The following MGLL variants were observed in gnomAD, a reference collection of about 807,000 sequenced individuals.
MGLL encodes the protein monoglyceride lipase, also known as lysophospholipase homolog.
Under a neutral mutation model 29.1 loss-of-function variants are expected in MGLL, and 7 were observed. The ratio of observed to expected loss-of-function variants is 0.24; its 90% confidence interval spans 0.14 to 0.45. The LOEUF (loss-of-function observed/expected upper bound fraction) is 0.45. Among genes scored for constraint, MGLL ranks in the 20% least tolerant of loss-of-function variants. The probability of loss-of-function intolerance (pLI) is 0.99; values close to 1 mark genes in which losing one functional copy is unlikely to be tolerated. For missense variants in MGLL, 356 were observed against 413.6 expected (o/e 0.86, Z 1.21); for synonymous variants, 148 against 168.3 (o/e 0.88, Z 0.93).
Position 127,721,145 on chromosome 3 carries a change from G to A in MGLL, c.418C>T (p.Leu140Phe). The A allele has an allele frequency of 6.2e-7, 1 of 1,614,224 alleles. No homozygotes were observed. The highest frequency in any genetic ancestry group is 1.1e-5 in the South Asian group (1 of 91,086). Residue 140 changes from leucine to phenylalanine, a missense_variant, in exon 5 of 8, where the codon CTC (leucine) becomes TTC (phenylalanine). Coordinates refer to ENST00000265052, the MANE Select transcript of MGLL (RefSeq NM_007283.7). ...TGGCCCGGCCTCTCTGCGGCCGTGA[G>A]GATGGCGATGGCGCCTCCCTGTAAT... ...GHSMGGAIAI[L>F]TAAERPGHFA...
intron 6 of MGLL, 83 bp from the exon 7 acceptor site, chr3:127,695,273 T>C: frequency 7.1e-7 from 1 of 1,404,816 alleles, no homozygotes; most frequent in Non-Finnish European, 9.9e-7. Flanking sequence ...AGCTTTTCCT[T>C]CTGCTCTGGC....
At chr3:127,729,365 A>G (rs533971403) in intron 3 of MGLL, among the ~76,000 whole-genome samples, 16 of 152,326 alleles carry the variant, frequency 1.1e-4, no homozygotes, top group African/African-American at 3.6e-4. Context: ...TTGTGCAACC[A>G]TCACCATCAT....
intron 3 of MGLL, among the ~76,000 whole-genome samples, chr3:127,745,933 G>A (rs920719924): frequency 3.3e-5 from 5 of 152,178 alleles, no homozygotes; most frequent in Admixed American, 3.3e-4. Context: ...CAAGACTGGC[G>A]CTGGAACTTT....
At chr3:127,735,822 C>T in intron 3 of MGLL, 1 of 1,598,330 alleles carries the variant, frequency 6.3e-7, no homozygotes, top group Middle Eastern at 1.7e-4. Context: ...GTGCTCGCAT[C>T]CTTCCAGGGG....
chr3:127,724,651 G>T (rs2075997396), intron 3 of MGLL, among the ~76,000 whole-genome samples: 1 of 152,108 alleles, frequency 6.6e-6, no homozygotes, highest in African/African-American at 2.4e-5. Context: ...TTTCCATGTG[G>T]AACATCTCTC....
At chr3:127,795,543 T>G (rs1044863854) in intron 2 of MGLL, among the ~76,000 whole-genome samples, 1 of 152,114 alleles carries the variant, frequency 6.6e-6, no homozygotes, top group African/African-American at 2.4e-5. Flanking sequence ...CCTCTGAATC[T>G]AAATAAAAGT....
At chr3:127,781,935 A>C (rs2077133797) in intron 2 of MGLL, 40 bp from the exon 3 acceptor site, 1 of 1,597,224 alleles carries the variant, frequency 6.3e-7, no homozygotes, top group Non-Finnish European at 8.6e-7. Context: ...GAAAGCCCAC[A>C]CGGGGCTGGG....
intron 5 of MGLL, chr3:127,714,021 TG>T (rs1352818112): frequency 6.6e-6 from 1 of 151,710 alleles, no homozygotes; most frequent in African/African-American, 2.4e-5. Flanking sequence ...CCAGCAAGCC[TG>T]ATTTTCTTCC....
chr3:127,767,726 G>C (rs780005806), intron 3 of MGLL, among the ~76,000 whole-genome samples: 2 of 152,222 alleles, frequency 1.3e-5, no homozygotes, highest in Non-Finnish European at 2.9e-5. Context: ...GTCTCAGAAT[G>C]ATGCTTTTGA....
At chr3:127,734,066 T>C (rs2076200454) in intron 3 of MGLL, among the ~76,000 whole-genome samples, 1 of 152,240 alleles carries the variant, frequency 6.6e-6, no homozygotes, top group Non-Finnish European at 1.5e-5. Flanking sequence ...CTGGAGCCTT[T>C]CCTGTGGTGG....
At chr3:127,699,130 C>G (rs782436) in intron 6 of MGLL, among the ~76,000 whole-genome samples, 85,273 of 152,174 alleles carry the variant, frequency 0.56, 27,045 homozygotes, top group African/African-American at 0.88. Flanking sequence ...GACCCCAAAG[C>G]CTCCTCTTGG....
In MGLL at chr3:127,727,704, T is replaced by TAAAA. The variant is rs1177079179; in HGVS notation, c.263-5142_263-5139dup. On this transcript the variant is annotated intron_variant, in intron 3 of 7. Coordinates refer to ENST00000265052, the MANE Select transcript of MGLL (RefSeq NM_007283.7). ...TCCAGCCTGGGCAACAGAGCAAGGC[T>TAAAA]AAAAAAAAAAAAAAAAAAAAAAAAA... Among the ~76,000 whole-genome samples, 69 of 80,698 alleles carry TAAAA rather than the reference T, an allele frequency of 8.6e-4. 1 individual carries two copies. Among genetic ancestry groups the TAAAA allele is most frequent in the African/African-American group, 1.6e-3 (34 of 20,886 alleles). The allele number at this position is 80,698 out of a possible 152,430, so 52.9% of individuals were successfully genotyped here. A position where few individuals can be genotyped will look rare whatever the true frequency, so the allele number is the denominator to read the frequency against.
chr3:127,778,830 C>A (rs752862362), intron 3 of MGLL, among the ~76,000 whole-genome samples: 5 of 144,846 alleles, frequency 3.5e-5, no homozygotes, highest in Non-Finnish European at 6.2e-5. Context: ...TGGCTTACTG[C>A]AGCCTTGAAC....
At chr3:127,701,345 C>T (rs2075481933) in intron 6 of MGLL, among the ~76,000 whole-genome samples, 2 of 152,214 alleles carry the variant, frequency 1.3e-5, no homozygotes, top group African/African-American at 4.8e-5. Flanking sequence ...TTGGCGTGGC[C>T]ATGGCGTGCT....
intron 2 of MGLL, among the ~76,000 whole-genome samples, chr3:127,790,737 T>C (rs1050715066): frequency 2.6e-5 from 4 of 152,220 alleles, no homozygotes; most frequent in Non-Finnish European, 4.4e-5. Flanking sequence ...TAGCACAGCC[T>C]GACTCCAGCC....
intron 2 of MGLL, among the ~76,000 whole-genome samples, chr3:127,807,694 A>C (rs1244549812): frequency 7.0e-6 from 1 of 143,838 alleles, no homozygotes; most frequent in Non-Finnish European, 1.5e-5. Flanking sequence ...TCAGAACTTC[A>C]TTTTATGATG....
chr3:127,721,796 G>A (rs540571317), intron 4 of MGLL, among the ~76,000 whole-genome samples: 44 of 152,194 alleles, frequency 2.9e-4, no homozygotes, highest in South Asian at 1.9e-3. Context: ...GCCTGCCCTG[G>A]TCAGATGTCC....
intron 3 of MGLL, among the ~76,000 whole-genome samples, chr3:127,778,372 G>C (rs1414556541): frequency 1.3e-5 from 2 of 152,232 alleles, no homozygotes; most frequent in South Asian, 2.1e-4. Flanking sequence ...AGTCCTGCTG[G>C]TCTTGCTCAG....
At chr3:127,736,100 A>G (rs1165956979) in intron 3 of MGLL, 3 of 1,194,850 alleles carry the variant, frequency 2.5e-6, no homozygotes, top group Admixed American at 8.2e-5. Context: ...AAACAGTGCT[A>G]GTTCCATTGT....
Sources: gnomAD v4.1 joint callset for allele counts (sites outside exome capture counted in the v4.1 genomes callset) on GRCh38, gnomAD v4.1.1 for gene constraint, MANE v1.5 for transcripts, NCBI Gene and HGNC (gene_info 2026-07-23, HGNC 2026-07-21) for gene names.